The following NELL1 variants were observed in gnomAD, a reference collection of about 807,000 sequenced individuals.
NELL1 encodes the protein protein kinase C-binding protein NELL1.
NELL1 carries 76 observed loss-of-function variants against 107.4 expected under a neutral mutation model. The observed-to-expected ratio is 0.71, with a 90% CI of 0.59 to 0.86. NELL1 has a LOEUF of 0.86. Ranked by LOEUF, NELL1 falls within the 40% of genes least tolerant of loss-of-function variation. The pLI is 0.00. For missense variants in NELL1, 1,024 were observed against 1,005.5 expected (o/e 1.02, Z -0.25); for synonymous variants, 353 against 341.2 (o/e 1.03, Z -0.38).
chr11:20,963,409 A>T (rs1006776176), intron 12 of NELL1, among the ~76,000 whole-genome samples: 1 of 152,094 alleles, frequency 6.6e-6, no homozygotes, highest in East Asian at 1.9e-4. Context: ...GCTTTGGGCT[A>T]ATTGTGTTTA....
At chr11:20,978,770 C>G (rs796503139) in intron 12 of NELL1, among the ~76,000 whole-genome samples, 1 of 152,282 alleles carries the variant, frequency 6.6e-6, no homozygotes, top group African/African-American at 2.4e-5. Context: ...CTTCTCCCTT[C>G]AAGATGCAGG....
At chr11:20,874,860 C>T (rs571749226) in intron 4 of NELL1, among the ~76,000 whole-genome samples, 3 of 152,214 alleles carry the variant, frequency 2.0e-5, no homozygotes, top group Admixed American at 6.5e-5. Context: ...CTCTTCTACA[C>T]GATGGTCTTC....
intron 12 of NELL1, among the ~76,000 whole-genome samples, chr11:21,011,613 A>G (rs1852448399): frequency 6.6e-6 from 1 of 152,152 alleles, no homozygotes; most frequent in African/African-American, 2.4e-5. Flanking sequence ...AAGAACTGAC[A>G]GCTGGGGAAT....
intron 14 of NELL1, among the ~76,000 whole-genome samples, chr11:21,306,069 G>C (rs145077536): frequency 6.6e-6 from 1 of 152,014 alleles, no homozygotes; most frequent in East Asian, 1.9e-4. Flanking sequence ...CTGAGGTTGA[G>C]ATTATATTTA....
intron 13 of NELL1, among the ~76,000 whole-genome samples, chr11:21,220,887 C>T (rs1448395255): frequency 1.3e-5 from 2 of 151,994 alleles, no homozygotes; most frequent in African/African-American, 4.8e-5. Flanking sequence ...TTGCTCTGGC[C>T]AGAACTTTGA....
At chr11:21,102,451 T>C (rs1369886030) in intron 12 of NELL1, among the ~76,000 whole-genome samples, 2 of 152,214 alleles carry the variant, frequency 1.3e-5, no homozygotes, top group East Asian at 1.9e-4. Flanking sequence ...GATTTTTGTT[T>C]GGCTCTGCCC....
intron 13 of NELL1, among the ~76,000 whole-genome samples, chr11:21,226,910 A>G (rs965112231): frequency 6.6e-6 from 1 of 152,208 alleles, no homozygotes; most frequent in African/African-American, 2.4e-5. Context: ...TTGTGGGTCA[A>G]CGAAACAACA....
chr11:20,918,707 A>G (rs1850312605), intron 6 of NELL1, among the ~76,000 whole-genome samples: 1 of 152,016 alleles, frequency 6.6e-6, no homozygotes, highest in Non-Finnish European at 1.5e-5. Flanking sequence ...AACTGCCTTC[A>G]TGATTCAATT....
chr11:21,244,379 T>C (rs1468520701), intron 14 of NELL1, among the ~76,000 whole-genome samples: 2 of 152,138 alleles, frequency 1.3e-5, no homozygotes, highest in African/African-American at 4.8e-5. Context: ...GCCCATGCAT[T>C]CTTGAGGATA....
At chr11:20,936,813 AC>A (rs1850736350) in intron 9 of NELL1, among the ~76,000 whole-genome samples, 2 of 152,156 alleles carry the variant, frequency 1.3e-5, no homozygotes, top group Non-Finnish European at 2.9e-5. Context: ...TAACTAGTAA[AC>A]CACCAGATTT....
intron 14 of NELL1, among the ~76,000 whole-genome samples, chr11:21,258,420 C>G (rs1307365471): frequency 1.3e-5 from 2 of 151,850 alleles, no homozygotes; most frequent in Non-Finnish European, 2.9e-5. Flanking sequence ...ATAAAATCAA[C>G]ATATTTTATG....
At chr11:20,702,742 G>T (rs575413203) in intron 2 of NELL1, among the ~76,000 whole-genome samples, 2 of 152,224 alleles carry the variant, frequency 1.3e-5, no homozygotes, top group Non-Finnish European at 2.9e-5. Flanking sequence ...TTTGACAAAG[G>T]CCTTTTCTGC....
intron 2 of NELL1, among the ~76,000 whole-genome samples, chr11:20,705,022 C>T (rs1490410406): frequency 2.7e-4 from 41 of 152,106 alleles, no homozygotes; most frequent in Non-Finnish European, 1.2e-4. Flanking sequence ...AGGATACAAA[C>T]AAATGGAAGA....
chr11:20,712,641 G>C lies in NELL1; in HGVS notation c.184+34581G>C, dbSNP rs118011382. The stretch of plus-strand genomic sequence containing the variant: ...AGAGGTCTGCAACTAAAGGCCTGCT[G>C]TTCAGATTCTCTTGTCCCATGGGGT... On this transcript the variant is annotated intron_variant, in intron 2 of 19. Transcript: ENST00000357134. Among the ~76,000 whole-genome samples, 344 of 152,336 alleles carry C rather than the reference G, an allele frequency of 2.3e-3. 8 individuals are homozygous for C. The East Asian group carries it at 0.055, about 24-fold the overall frequency.
rs908868407 is a variant in NELL1 at position 20,708,979 on chromosome 11, G to C, written c.184+30919G>C. Among the ~76,000 whole-genome samples, 9 of 152,118 alleles carry C rather than the reference G, an allele frequency of 5.9e-5. No individual in the cohort carries two copies. The East Asian group carries it at 1.7e-3, about 29-fold the overall frequency. ...ACAACCTAGATTCCTTGCATGCACAGTTCACAATAGGGGTCATGCTCCTAT... is the reference window on the plus strand; with the variant it reads ...ACAACCTAGATTCCTTGCATGCACACTTCACAATAGGGGTCATGCTCCTAT... On this transcript the variant is annotated intron_variant, in intron 2 of 19. Coordinates refer to ENST00000357134, the MANE Select transcript of NELL1 (RefSeq NM_006157.5).
chr11:21,209,797 A>G (rs1857462651), intron 13 of NELL1, among the ~76,000 whole-genome samples: 1 of 152,162 alleles, frequency 6.6e-6, no homozygotes, highest in Admixed American at 6.6e-5. Context: ...AAAAGAAGCG[A>G]AGCTATTTGT....
chr11:21,151,192 T>C (rs1590683911), intron 13 of NELL1, among the ~76,000 whole-genome samples: 1 of 152,332 alleles, frequency 6.6e-6, no homozygotes, highest in South Asian at 2.1e-4. Context: ...CCCTGTGGCC[T>C]AGCTGTGTAG....
At chr11:21,240,217 T>C (rs1858317438) in intron 14 of NELL1, among the ~76,000 whole-genome samples, 2 of 152,072 alleles carry the variant, frequency 1.3e-5, no homozygotes, top group Admixed American at 1.3e-4. Flanking sequence ...ACTGTTCATA[T>C]TGTTTGTAAA....
chr11:21,526,668 G>A lies in NELL1; in HGVS notation c.1646-7706G>A, dbSNP rs184531391. 5.7e-4 allele frequency among the ~76,000 whole-genome samples: 87 copies of A among 152,266 alleles called. 1 individual carries two copies. The highest frequency in any genetic ancestry group is 1.9e-3 in the African/African-American group (80 of 41,534). ...CCAAACCTCAATTCTTGACTTCTGG[G>A]CACCCACAGGCTCAACACCACATTG... is the stretch of plus-strand genomic sequence containing the variant. On this transcript the variant is annotated intron_variant, in intron 15 of 19. Coordinates refer to ENST00000357134, the MANE Select transcript of NELL1 (RefSeq NM_006157.5).
Sources: gnomAD v4.1 joint callset for allele counts (sites outside exome capture counted in the v4.1 genomes callset) on GRCh38, gnomAD v4.1.1 for gene constraint, MANE v1.5 for transcripts, NCBI Gene and HGNC (gene_info 2026-07-23, HGNC 2026-07-21) for gene names.